Variants in UBL3 observed in about 807,000 individuals in gnomAD.
The protein encoded by UBL3 is ubiquitin like 3.
Under a neutral mutation model 18.4 loss-of-function variants are expected in UBL3, and 6 were observed. The ratio of observed to expected loss-of-function variants is 0.33; its 90% confidence interval spans 0.18 to 0.64. The LOEUF is 0.64. Ranked by LOEUF, UBL3 falls within the 30% of genes least tolerant of loss-of-function variation. The probability of loss-of-function intolerance (pLI) is 0.76; values close to 1 mark genes in which losing one functional copy is unlikely to be tolerated. For missense variants in UBL3, 109 were observed against 142.9 expected (o/e 0.76, Z 1.21); for synonymous variants, 49 against 46.6 (o/e 1.05, Z -0.21).
chr13:29,801,077 C>T (rs1877749564), intron 1 of UBL3, among the ~76,000 whole-genome samples: 1 of 152,186 alleles, frequency 6.6e-6, no homozygotes, highest in Non-Finnish European at 1.5e-5. Context: ...CTGAGAAAAT[C>T]CCAGAGACAA....
At chr13:29,777,451 T>C (rs940694915) in intron 1 of UBL3, 188 bp from the exon 2 acceptor site, 1 of 691,500 alleles carries the variant, frequency 1.4e-6, no homozygotes, top group Admixed American at 1.9e-5. Flanking sequence ...TTTCCTATTA[T>C]TTAAAGGGTG....
intron 3 of UBL3, 75 bp downstream of exon 3, chr13:29,772,037 A>C: frequency 7.8e-7 from 1 of 1,287,788 alleles, no homozygotes; most frequent in Non-Finnish European, 1.1e-6. Context: ...AAATTCAAAG[A>C]CATTAACATT....
chr13:29,774,351 T>C (rs907194501), intron 2 of UBL3, among the ~76,000 whole-genome samples: 1 of 152,164 alleles, frequency 6.6e-6, no homozygotes, highest in African/African-American at 2.4e-5. Flanking sequence ...CCTTGTGTTA[T>C]GTTTTCTATA....
chr13:29,845,421 T>G (rs278031), intron 1 of UBL3, among the ~76,000 whole-genome samples: 136,826 of 152,070 alleles, frequency 0.9, 61,733 homozygotes, highest in East Asian at 0.98. Flanking sequence ...TCATCAGGAA[T>G]AGAAAGAAAA....
At chr13:29,825,376 G>T (rs9506233) in intron 1 of UBL3, among the ~76,000 whole-genome samples, 40,523 of 151,898 alleles carry the variant, frequency 0.27, 5,457 homozygotes, top group East Asian at 0.42. Context: ...CTTTTATTTC[G>T]TTGAGCAGTG....
chr13:29,794,901 T>C (rs1877569786), intron 1 of UBL3, among the ~76,000 whole-genome samples: 1 of 152,240 alleles, frequency 6.6e-6, no homozygotes, highest in Non-Finnish European at 1.5e-5. Context: ...AGTACATTTT[T>C]CTTGCAGCAG....
chr13:29,790,550 T>C (rs1593656920), intron 1 of UBL3, among the ~76,000 whole-genome samples: 1 of 152,232 alleles, frequency 6.6e-6, no homozygotes, highest in East Asian at 1.9e-4. Flanking sequence ...TTATGTTTTC[T>C]GGAACACCAA....
chr13:29,811,089 C>G (rs541486519), intron 1 of UBL3, among the ~76,000 whole-genome samples: 1 of 152,102 alleles, frequency 6.6e-6, no homozygotes, highest in South Asian at 2.1e-4. Context: ...CCACCCAGAA[C>G]ACAATGTGAT....
intron 1 of UBL3, among the ~76,000 whole-genome samples, chr13:29,788,548 T>A (rs1877384762): frequency 6.6e-6 from 1 of 152,288 alleles, no homozygotes. Context: ...TCAAGACTCC[T>A]CCTATTTCTT....
At position 29,766,335 on chromosome 13, in the gene UBL3, TAAG is replaced by T. The variant is rs1876680043; in HGVS notation, c.*917_*919del. 1 of 152,638 alleles carries T rather than the reference TAAG, an allele frequency of 6.6e-6. No individual in the cohort carries two copies. Among genetic ancestry groups the T allele is most frequent in the South Asian group, 2.1e-4 (1 of 4,826 alleles). The allele number at this position is 152,638 out of a possible 1,614,324, so 9.5% of individuals were successfully genotyped here. ...TAATTTTAAGAATTCATCTGAACTC[TAAG>T]GAGTAAGCATGACACTGGATGTGGT... On this transcript the variant is annotated 3_prime_UTR_variant, in exon 5 of 5. Coordinates refer to ENST00000380680, the MANE Select transcript of UBL3 (RefSeq NM_007106.4).
intron 2 of UBL3, among the ~76,000 whole-genome samples, chr13:29,776,178 T>C (rs1239135206): frequency 1.3e-5 from 2 of 152,066 alleles, no homozygotes; most frequent in African/African-American, 4.8e-5. Context: ...CCTCTTTGTG[T>C]TTTGGTAAAA....
chr13:29,818,690 T>C (rs1397788364), intron 1 of UBL3, among the ~76,000 whole-genome samples: 3 of 152,178 alleles, frequency 2.0e-5, no homozygotes, highest in African/African-American at 7.2e-5. Flanking sequence ...GTATAACAGC[T>C]TGTATATTTT....
At chr13:29,826,662 G>C (rs1407878320) in intron 1 of UBL3, among the ~76,000 whole-genome samples, 1 of 151,894 alleles carries the variant, frequency 6.6e-6, no homozygotes, top group Non-Finnish European at 1.5e-5. Context: ...TTTTTTGAAG[G>C]GTTTTTTGTG....
At chr13:29,793,817 TA>T (rs1877541546) in intron 1 of UBL3, among the ~76,000 whole-genome samples, 1 of 152,170 alleles carries the variant, frequency 6.6e-6, no homozygotes, top group Non-Finnish European at 1.5e-5. Context: ...TACTAAGTGT[TA>T]CTAACACTTT....
At chr13:29,775,896 C>A (rs1426577526) in intron 2 of UBL3, among the ~76,000 whole-genome samples, 1 of 151,826 alleles carries the variant, frequency 6.6e-6, no homozygotes, top group South Asian at 2.1e-4. Flanking sequence ...GGATTATAGA[C>A]GTGAGCCACC....
intron 1 of UBL3, among the ~76,000 whole-genome samples, chr13:29,818,224 GCTTT>G (rs1878333907): frequency 6.6e-6 from 1 of 152,080 alleles, no homozygotes; most frequent in Admixed American, 6.6e-5. Flanking sequence ...ATACTCACAG[GCTTT>G]CTAATTCATG....
intron 1 of UBL3, among the ~76,000 whole-genome samples, chr13:29,815,088 C>T (rs533097139): frequency 6.6e-6 from 1 of 152,204 alleles, no homozygotes; most frequent in African/African-American, 2.4e-5. Context: ...TATTAGTTCC[C>T]ATCCCCTATG....
In UBL3 at chr13:29,830,409, C is replaced by T. The variant is rs112181384; in HGVS notation, c.27+19103G>A. On this transcript the variant is annotated intron_variant, in intron 1 of 4. Coordinates refer to ENST00000380680, the MANE Select transcript of UBL3 (RefSeq NM_007106.4). ...TTTTGATTTTTCTTGGCTGCCTGTT[C>T]GAAGTCCCAAAGGAGTAAGGTAGAC... 1.1e-3 allele frequency among the ~76,000 whole-genome samples: 168 copies of T among 152,302 alleles called. 1 individual carries two copies. The highest frequency in any genetic ancestry group is 3.4e-3 in the African/African-American group (141 of 41,560).
intron 1 of UBL3, among the ~76,000 whole-genome samples, chr13:29,814,080 G>A (rs1878192115): frequency 6.6e-6 from 1 of 151,988 alleles, no homozygotes; most frequent in Non-Finnish European, 1.5e-5. Context: ...GAGTTATTAG[G>A]TCTAATCCAA....
Sources: gnomAD v4.1 joint callset for allele counts (sites outside exome capture counted in the v4.1 genomes callset) on GRCh38, gnomAD v4.1.1 for gene constraint, MANE v1.5 for transcripts, NCBI Gene and HGNC (gene_info 2026-07-23, HGNC 2026-07-21) for gene names.